Variants in BAZ2B observed in about 807,000 individuals in gnomAD.
The protein encoded by BAZ2B is bromodomain adjacent to zinc finger domain 2B.
In BAZ2B, 91 loss-of-function variants were observed where a neutral mutation model predicts 246.0. The observed-to-expected ratio is 0.37, with a 90% CI of 0.31 to 0.44. The LOEUF (loss-of-function observed/expected upper bound fraction) is 0.44. BAZ2B is among the 20% of genes least tolerant of loss of function. BAZ2B has a pLI of 1.00. For missense variants in BAZ2B, 2,332 were observed against 2,533.7 expected (o/e 0.92, Z 1.71); for synonymous variants, 855 against 860.0 (o/e 0.99, Z 0.10).
At chr2:159,560,384 TA>T (rs150291485) in intron 1 of BAZ2B, among the ~76,000 whole-genome samples, 18,162 of 152,078 alleles carry the variant, frequency 0.12, 1,256 homozygotes, top group Middle Eastern at 0.22. Context: ...GGTTATACAA[TA>T]AAAAAATTAT....
intron 36 of BAZ2B, among the ~76,000 whole-genome samples, chr2:159,321,681 C>T (rs1159112112): frequency 1.3e-5 from 2 of 152,094 alleles, no homozygotes; most frequent in Non-Finnish European, 2.9e-5. Context: ...CACGTGTTCT[C>T]ACTTATTTGT....
At chr2:159,391,263 A>G (rs1219273949) in intron 20 of BAZ2B, among the ~76,000 whole-genome samples, 1 of 152,178 alleles carries the variant, frequency 6.6e-6, no homozygotes, top group African/African-American at 2.4e-5. Flanking sequence ...GTTTGTCACT[A>G]AAGAATTGCA....
the BAZ2B span, among the ~76,000 whole-genome samples, chr2:159,706,600 T>C: frequency 2.0e-5 from 3 of 152,310 alleles, no homozygotes; most frequent in Middle Eastern, 0.01. Context: ...ACAGGAACAA[T>C]GATTGCTAGT....
the BAZ2B span, among the ~76,000 whole-genome samples, chr2:159,654,466 C>A: frequency 2.6e-5 from 4 of 152,086 alleles, no homozygotes; most frequent in Non-Finnish European, 5.9e-5. Context: ...GAAGGGCCAA[C>A]AAGATCCATT....
At chr2:159,705,401 T>C in the BAZ2B span, among the ~76,000 whole-genome samples, 1 of 152,212 alleles carries the variant, frequency 6.6e-6, no homozygotes, top group African/African-American at 2.4e-5. Context: ...ATTCAAAAGA[T>C]AGGTAAGCAA....
At chr2:159,566,571 C>CAGG (rs1217606301) in intron 1 of BAZ2B, among the ~76,000 whole-genome samples, 20 of 152,338 alleles carry the variant, frequency 1.3e-4, no homozygotes, top group African/African-American at 4.6e-4. Flanking sequence ...CACCTTACAA[C>CAGG]AGGAGGCCAT....
At chr2:159,429,349 T>C (rs1379514484) in intron 10 of BAZ2B, 89 bp from the exon 11 acceptor site, 5 of 745,634 alleles carry the variant, frequency 6.7e-6, no homozygotes, top group Admixed American at 3.1e-5. Flanking sequence ...TAAAAAAGTA[T>C]ATGTTAATAA....
At chr2:159,440,127 A>C (rs2073109316) in intron 6 of BAZ2B, among the ~76,000 whole-genome samples, 1 of 152,200 alleles carries the variant, frequency 6.6e-6, no homozygotes, top group African/African-American at 2.4e-5. Flanking sequence ...AGATTATTGA[A>C]AATATTCATA....
the BAZ2B span, among the ~76,000 whole-genome samples, chr2:159,636,151 G>A: frequency 6.6e-6 from 1 of 152,158 alleles, no homozygotes; most frequent in Non-Finnish European, 1.5e-5. Context: ...ACCCCCAAAT[G>A]GAACACCAAA....
intron 13 of BAZ2B, among the ~76,000 whole-genome samples, chr2:159,420,266 G>A (rs2068499725): frequency 6.6e-6 from 1 of 152,108 alleles, no homozygotes; most frequent in Non-Finnish European, 1.5e-5. Context: ...AAAACTGCCT[G>A]GCACATTAAG....
Position 159,430,974 on chromosome 2 carries a change from G to C in BAZ2B, c.2083C>G (p.Leu695Val), listed in dbSNP as rs1360783000. The stretch of plus-strand genomic sequence containing the variant: ...GAGCCTGGGGCTTTTGCTATGTGGA[G>C]GTTACGAGGTGTTGAGTGACCTGTG... ...SLTGHSTPRNLHIAKAPGSAP... is the reference protein window; with the variant it reads ...SLTGHSTPRNVHIAKAPGSAP... The change falls in exon 10 of 37, where the codon CTC becomes GTC. Residue 695 changes from leucine (L) to valine (V), a missense_variant. Leu to Val is a conservative substitution (Grantham distance 32). Transcript: ENST00000392783. 6.2e-7 allele frequency: 1 copy of C among 1,613,920 alleles called. No homozygotes were observed. The highest frequency in any genetic ancestry group is 1.3e-5 in the African/African-American group (1 of 74,918).
chr2:159,626,393 A>C, the BAZ2B span, among the ~76,000 whole-genome samples: 2 of 152,120 alleles, frequency 1.3e-5, no homozygotes. Context: ...GCACCACATC[A>C]CACTTATTCT....
In BAZ2B at chr2:159,400,733, A is replaced by C. The variant is rs1039205224; in HGVS notation, c.2833-69T>G. The C allele has an allele frequency of 1.1e-5, 10 of 947,892 alleles. No individual in the cohort carries two copies. In the African/African-American group the frequency reaches 1.2e-4, roughly 11 times the overall value. 58.7% of individuals were successfully genotyped at this position (947,892 alleles called of 1,614,324 possible). On this transcript the variant is annotated intron_variant, in intron 16 of 36. Transcript: ENST00000392783. ...TCTGAGTAAAGAGTATTTGAGTGGA[A>C]TCAAATAATTAAAAATATAAGTACA...
At chr2:159,347,052 T>C (rs979157652) in intron 31 of BAZ2B, among the ~76,000 whole-genome samples, 1 of 152,180 alleles carries the variant, frequency 6.6e-6, no homozygotes, top group Non-Finnish European at 1.5e-5. Flanking sequence ...GTCTGACATA[T>C]AACAAGGCTT....
intron 13 of BAZ2B, among the ~76,000 whole-genome samples, chr2:159,426,218 C>T (rs1262489515): frequency 6.6e-6 from 1 of 152,126 alleles, no homozygotes; most frequent in Non-Finnish European, 1.5e-5. Flanking sequence ...TGTCAAGGAA[C>T]ATTCTACTCT....
rs535050103 is a variant in BAZ2B, at chr2:159,566,273, A to G, written c.-45-10408T>C. On this transcript the variant is annotated intron_variant, in intron 1 of 36. Transcript: ENST00000392783. ...TTATCCACCCGCCTCAGCCTCCCAA[A>G]GTGCTGGGATTACAGGTGTGACCCA... Among the ~76,000 whole-genome samples the G allele has an allele frequency of 5.3e-5, 8 of 152,234 alleles. No individual in the cohort carries two copies. In the South Asian group the frequency reaches 1.7e-3, roughly 32 times the overall value.
chr2:159,653,273 C>A, the BAZ2B span, among the ~76,000 whole-genome samples: 2 of 152,020 alleles, frequency 1.3e-5, no homozygotes, highest in African/African-American at 4.8e-5. Context: ...TCCCACAGCA[C>A]CTTTTTATTA....
chr2:159,673,011 T>A, the BAZ2B span, among the ~76,000 whole-genome samples: 44,156 of 151,992 alleles, frequency 0.29, 7,562 homozygotes, highest in South Asian at 0.46. Context: ...TATTGACAAA[T>A]CTGTTACATA....
Position 159,349,983 on chromosome 2 carries a change from T to C in BAZ2B, c.4588A>G (p.Asn1530Asp), listed in dbSNP as rs556907708. ...VEKADSNNLF[N>D]TGSSGPGKFY... ...TTCCCTGGACCACTTGAACCAGTATTAAACAGATTATTAGAGTCTGCCTTT... is the reference window on the plus strand; with the variant it reads ...TTCCCTGGACCACTTGAACCAGTATCAAACAGATTATTAGAGTCTGCCTTT... Residue 1530 changes from asparagine (N) to aspartate (D), a missense_variant, in exon 28 of 37, where the codon AAT becomes GAT. Transcript: ENST00000392783. 1.2e-6 allele frequency: 2 copies of C among 1,614,188 alleles called. No individual in the cohort carries two copies. The highest frequency in any genetic ancestry group is 4.5e-5 in the East Asian group (2 of 44,888).
Sources: gnomAD v4.1 joint callset for allele counts (sites outside exome capture counted in the v4.1 genomes callset) on GRCh38, gnomAD v4.1.1 for gene constraint, MANE v1.5 for transcripts, NCBI Gene and HGNC (gene_info 2026-07-23, HGNC 2026-07-21) for gene names.